ZMYM2: variants seen among roughly 807,000 people sequenced by gnomAD.
ZMYM2 encodes the protein zinc finger MYM-type containing 2, also known as zinc finger MYM-type protein 2.
Under a neutral mutation model 162.8 loss-of-function variants are expected in ZMYM2, and 56 were observed. The observed-to-expected ratio is 0.34, with a 90% CI of 0.28 to 0.43. The LOEUF is 0.43. Ranked by LOEUF, ZMYM2 falls within the 20% of genes least tolerant of loss-of-function variation. The pLI is 1.00. For synonymous variants in ZMYM2, 510 were observed against 541.6 expected (o/e 0.94, Z 0.81); for missense variants, 1,275 against 1,621.8 (o/e 0.79, Z 3.67).
the ZMYM2 span, among the ~76,000 whole-genome samples, chr13:19,936,039 C>G: frequency 6.6e-6 from 1 of 152,154 alleles, no homozygotes; most frequent in African/African-American, 2.4e-5. Flanking sequence ...CACTTGTTAG[C>G]TGGAATCACG....
chr13:19,899,101 T>C, the ZMYM2 span, among the ~76,000 whole-genome samples: 21,225 of 151,726 alleles, frequency 0.14, 1,836 homozygotes, highest in African/African-American at 0.25. Context: ...TACAGGCGCG[T>C]GCCACCACAC....
intron 3 of ZMYM2, among the ~76,000 whole-genome samples, chr13:19,996,148 T>G (rs1483484309): frequency 6.6e-6 from 1 of 152,226 alleles, no homozygotes; most frequent in Non-Finnish European, 1.5e-5. Flanking sequence ...TTAGGCTCAT[T>G]ATCCTAGGGA....
chr13:20,043,389 T>C (rs1214847265), intron 12 of ZMYM2, among the ~76,000 whole-genome samples: 2 of 152,138 alleles, frequency 1.3e-5, no homozygotes, highest in Non-Finnish European at 2.9e-5. Flanking sequence ...GGTAGGGTGC[T>C]AGTTGGTGCT....
intron 9 of ZMYM2, among the ~76,000 whole-genome samples, chr13:20,030,219 G>T (rs866548773): frequency 1.1e-4 from 17 of 149,938 alleles, no homozygotes; most frequent in African/African-American, 4.2e-4. Context: ...AACATAGGCC[G>T]ATTTCTTTTC....
At chr13:19,956,095 C>T (rs1954509052), upstream of ZMYM2, among the ~76,000 whole-genome samples, 1 of 152,214 alleles carries the variant, frequency 6.6e-6, no homozygotes, top group African/African-American at 2.4e-5. Flanking sequence ...TTTTAGAACA[C>T]TTGAGTCACT....
intron 12 of ZMYM2, among the ~76,000 whole-genome samples, chr13:20,044,633 A>G (rs543648179): frequency 2.0e-5 from 3 of 152,322 alleles, no homozygotes; most frequent in African/African-American, 7.2e-5. Context: ...AGATAAGAAA[A>G]TGAGTGTAAA....
At chr13:19,930,906 G>A in the ZMYM2 span, among the ~76,000 whole-genome samples, 1 of 151,134 alleles carries the variant, frequency 6.6e-6, no homozygotes, top group Non-Finnish European at 1.5e-5. Context: ...TTGGGAGGCC[G>A]AGGCGGGCAG....
intron 21 of ZMYM2, among the ~76,000 whole-genome samples, chr13:20,067,644 T>C (rs1956780544): frequency 6.6e-6 from 1 of 152,230 alleles, no homozygotes; most frequent in East Asian, 1.9e-4. Context: ...GATCTACATG[T>C]AAACAGAAAA....
chr13:19,980,394 C>G (rs1423995979), intron 2 of ZMYM2, among the ~76,000 whole-genome samples: 1 of 152,014 alleles, frequency 6.6e-6, no homozygotes, highest in African/African-American at 2.4e-5. Flanking sequence ...CCCTACCTCA[C>G]TGTTTTATTT....
chr13:20,062,745 T>G, intron 17 of ZMYM2, 101 bp from the exon 18 acceptor site: 1 of 1,177,288 alleles, frequency 8.5e-7, no homozygotes, highest in Non-Finnish European at 1.1e-6. Flanking sequence ...TATTTTTTTA[T>G]ATTGCATTTA....
Position 19,962,501 on chromosome 13 carries a change from A to G in ZMYM2, c.-11+2475A>G, listed in dbSNP as rs1031940608. 2.4e-4 allele frequency among the ~76,000 whole-genome samples: 14 copies of G among 59,564 alleles called. 1 individual carries two copies. In the South Asian group the frequency reaches 5.7e-3, roughly 24 times the overall value. 39.1% of individuals were successfully genotyped at this position (59,564 alleles called of 152,430 possible). On this transcript the variant is annotated intron_variant, in intron 2 of 24. Coordinates refer to ENST00000610343, the MANE Select transcript of ZMYM2 (RefSeq NM_197968.4). ...GGGCTATTCAAATTGCATGGGATAT[A>G]TATATATATATATATTTTTTTTTTT...
At chr13:20,073,248 A>G (rs569220859) in intron 21 of ZMYM2, among the ~76,000 whole-genome samples, 3 of 152,158 alleles carry the variant, frequency 2.0e-5, no homozygotes, top group African/African-American at 7.2e-5. Flanking sequence ...GAATCAGCCA[A>G]CTTTTTCGTA....
chr13:20,076,414 C>T (rs2140988427), intron 21 of ZMYM2, among the ~76,000 whole-genome samples: 1 of 150,558 alleles, frequency 6.6e-6, no homozygotes, highest in East Asian at 1.9e-4. Flanking sequence ...TATTGGATCT[C>T]AAGAAAAGTA....
At chr13:19,886,118 C>G in the ZMYM2 span, among the ~76,000 whole-genome samples, 10 of 147,512 alleles carry the variant, frequency 6.8e-5, no homozygotes, top group Middle Eastern at 3.2e-3. Context: ...ATTTATGACC[C>G]TGTTCAAAAA....
chr13:20,061,900 G>T (rs1956264417), intron 17 of ZMYM2, among the ~76,000 whole-genome samples: 3 of 151,986 alleles, frequency 2.0e-5, no homozygotes, highest in African/African-American at 7.2e-5. Context: ...TTCTTTTATT[G>T]CTTATACTAA....
intron 5 of ZMYM2, 142 bp from the exon 6 acceptor site, chr13:20,006,232 T>G: frequency 1.5e-6 from 1 of 674,638 alleles, no homozygotes; most frequent in South Asian, 2.5e-5. Context: ...ACCCTGTCTT[T>G]AAAAAAAAAA....
intron 6 of ZMYM2, among the ~76,000 whole-genome samples, chr13:20,014,117 A>T (rs1338553574): frequency 6.6e-6 from 1 of 152,156 alleles, no homozygotes; most frequent in African/African-American, 2.4e-5. Context: ...TGTGTCACCC[A>T]GGCTGGAGTG....
At chr13:19,998,888 A>G (rs1950199395) in intron 3 of ZMYM2, among the ~76,000 whole-genome samples, 1 of 152,200 alleles carries the variant, frequency 6.6e-6, no homozygotes, top group Non-Finnish European at 1.5e-5. Flanking sequence ...GCTTTTATGT[A>G]TGGAAGTTCA....
At chr13:19,866,596 TG>T in the ZMYM2 span, among the ~76,000 whole-genome samples, 2 of 151,664 alleles carry the variant, frequency 1.3e-5, no homozygotes, top group East Asian at 3.9e-4. Flanking sequence ...ACCTGGGAGG[TG>T]GGGTTGCGGT....
Sources: allele counts gnomAD v4.1 joint callset (sites outside exome capture counted in the v4.1 genomes callset), GRCh38; gene constraint gnomAD v4.1.1; transcripts MANE v1.5; gene names NCBI Gene and HGNC (gene_info 2026-07-23, HGNC 2026-07-21).